PSME4: variants seen among roughly 807,000 people sequenced by gnomAD.
PSME4 encodes the protein proteasome activator subunit 4, also known as proteasome activator complex subunit 4.
In PSME4, 89 loss-of-function variants were observed where a neutral mutation model predicts 253.9. The ratio of observed to expected loss-of-function variants is 0.35; its 90% confidence interval spans 0.30 to 0.42. The LOEUF (loss-of-function observed/expected upper bound fraction) is 0.42. PSME4 is among the 10% of genes least tolerant of loss of function. The probability of loss-of-function intolerance (pLI) is 1.00; values close to 1 mark genes in which losing one functional copy is unlikely to be tolerated. For missense variants in PSME4, 2,014 were observed against 2,195.2 expected (o/e 0.92, Z 1.65); for synonymous variants, 851 against 759.2 (o/e 1.12, Z -1.99).
At chr2:53,897,341 G>T (rs959095003) in intron 31 of PSME4, among the ~76,000 whole-genome samples, 3 of 151,728 alleles carry the variant, frequency 2.0e-5, no homozygotes, top group African/African-American at 7.3e-5. Context: ...AGCTAATTTT[G>T]TACTTCTAGT....
chr2:53,886,782 A>G lies in PSME4; in HGVS notation c.4729+477T>C, dbSNP rs181250756. On this transcript the variant is annotated intron_variant, in intron 40 of 46. Transcript: ENST00000404125. ...TGTTCAGAGCAGCATTAGTCACAAT[A>G]GCCAAAGGTGGAAACCCAAATATCC... is the stretch of plus-strand genomic sequence containing the variant. 1.5e-3 allele frequency among the ~76,000 whole-genome samples: 232 copies of G among 152,334 alleles called. 2 individuals carry two copies. Among genetic ancestry groups the G allele is most frequent in the Admixed American group, 3.6e-3 (55 of 15,308 alleles).
At chr2:53,955,897 A>C (rs1468281159) in intron 1 of PSME4, among the ~76,000 whole-genome samples, 2 of 152,032 alleles carry the variant, frequency 1.3e-5, no homozygotes, top group African/African-American at 4.8e-5. Context: ...ACTCCAACCT[A>C]GGCAACAGTG....
chr2:53,907,346 A>AC lies in PSME4; in HGVS notation c.2785-479_2785-478insG, dbSNP rs539434295. Among the ~76,000 whole-genome samples, 11 of 152,310 alleles carry AC rather than the reference A, an allele frequency of 7.2e-5. No individual in the cohort carries two copies. The East Asian group carries it at 9.6e-4, about 13-fold the overall frequency. The stretch of plus-strand genomic sequence containing the variant: ...AATCTTCCACCTGGTCACCAAAGGC[A>AC]GATAGTTGAGGCTCAAAGACTCTTC... On this transcript the variant is annotated intron_variant, in intron 24 of 46. Transcript: ENST00000404125.
At chr2:53,915,284 TA>T (rs1358689898) in intron 20 of PSME4, among the ~76,000 whole-genome samples, 2 of 151,984 alleles carry the variant, frequency 1.3e-5, no homozygotes, top group Non-Finnish European at 2.9e-5. Flanking sequence ...CCACAAAAAA[TA>T]CAAAAATTAG....
chr2:53,949,499 G>T, intron 1 of PSME4, among the ~76,000 whole-genome samples: 1 of 150,248 alleles, frequency 6.7e-6, no homozygotes. Flanking sequence ...TGGTTTTCTG[G>T]ATAGAAACAG....
At chr2:53,911,324 C>T (rs1037471031) in intron 20 of PSME4, among the ~76,000 whole-genome samples, 16 of 152,182 alleles carry the variant, frequency 1.1e-4, no homozygotes, top group African/African-American at 3.6e-4. Flanking sequence ...TAGTATCAAA[C>T]GTTAATTTGC....
intron 2 of PSME4, 94 bp from the exon 3 acceptor site, chr2:53,948,631 G>T: frequency 1.2e-6 from 1 of 804,928 alleles, no homozygotes; most frequent in Non-Finnish European, 2.1e-6. Flanking sequence ...AAACATTGCT[G>T]CTCATCACCA....
chr2:53,961,187 T>C (rs1670481648), intron 1 of PSME4, among the ~76,000 whole-genome samples: 1 of 152,212 alleles, frequency 6.6e-6, no homozygotes, highest in African/African-American at 2.4e-5. Context: ...GGAATATTTA[T>C]AGTATGTGCT....
At position 53,898,286 on chromosome 2, in the gene PSME4, A is replaced by C. The variant is rs190189113; in HGVS notation, c.3476+15T>G. The C allele has an allele frequency of 3.6e-5, 57 of 1,596,824 alleles. No homozygotes were observed. The African/African-American group carries it at 7.0e-4, about 20-fold the overall frequency. Reference sequence around the variant, plus strand: ...GAAAAATGCTGTGAGAATTACAAAAATCTTTTGCACTTACAGGTTTCTTTG... The same window carrying C: ...GAAAAATGCTGTGAGAATTACAAAACTCTTTTGCACTTACAGGTTTCTTTG... On this transcript the variant is annotated intron_variant, in intron 30 of 46. Coordinates refer to ENST00000404125, the MANE Select transcript of PSME4 (RefSeq NM_014614.3).
At chr2:53,939,310 T>A (rs1669271967) in intron 4 of PSME4, among the ~76,000 whole-genome samples, 1 of 152,188 alleles carries the variant, frequency 6.6e-6, no homozygotes, top group African/African-American at 2.4e-5. Flanking sequence ...AGTCTTAGAA[T>A]AACTTGATAA....
intron 20 of PSME4, 37 bp from the exon 21 acceptor site, chr2:53,910,167 T>A (rs1344108603): frequency 1.3e-6 from 2 of 1,500,010 alleles, no homozygotes; most frequent in East Asian, 2.3e-5. Context: ...TTATTAATAA[T>A]ACCAATATGA....
intron 6 of PSME4, 39 bp from the exon 7 acceptor site, chr2:53,936,200 T>A (rs1186314167): frequency 1.2e-6 from 2 of 1,610,686 alleles, no homozygotes; most frequent in Non-Finnish European, 1.7e-6. Flanking sequence ...ATATATTTGT[T>A]GTTATTGTTT....
chr2:53,962,570 T>C (rs1002762082), intron 1 of PSME4, among the ~76,000 whole-genome samples: 2 of 152,228 alleles, frequency 1.3e-5, no homozygotes, highest in Non-Finnish European at 2.9e-5. Flanking sequence ...ACTGCCTTTC[T>C]TAGTGCCTCA....
chr2:53,954,889 G>T (rs1338383717), intron 1 of PSME4, among the ~76,000 whole-genome samples: 1 of 151,700 alleles, frequency 6.6e-6, no homozygotes, highest in Non-Finnish European at 1.5e-5. Context: ...AAGTCAAAAT[G>T]CCAAAATGAG....
At chr2:53,919,965 G>A (rs1668222917) in intron 19 of PSME4, among the ~76,000 whole-genome samples, 1 of 151,854 alleles carries the variant, frequency 6.6e-6, no homozygotes, top group Non-Finnish European at 1.5e-5. Flanking sequence ...TAAGTAGAAG[G>A]TAATAAAAAA....
intron 6 of PSME4, among the ~76,000 whole-genome samples, chr2:53,936,470 T>C (rs1669120715): frequency 6.6e-6 from 1 of 152,202 alleles, no homozygotes; most frequent in Non-Finnish European, 1.5e-5. Context: ...AGCAGCATGA[T>C]AGTACAGGTA....
In PSME4 at chr2:53,919,161, C is replaced by T; in HGVS notation, c.2506G>A (p.Val836Ile). 6.2e-7 allele frequency: 1 copy of T among 1,611,582 alleles called. No homozygotes were observed. Among genetic ancestry groups the T allele is most frequent in the Non-Finnish European group, 8.5e-7 (1 of 1,179,110 alleles). The change falls in exon 20 of 47, where the codon GTT becomes ATT. Residue 836 changes from valine to isoleucine, a missense_variant. Coordinates refer to ENST00000404125, the MANE Select transcript of PSME4 (RefSeq NM_014614.3). ...NLLPPLKGEP[V>I]TNLVPSMVSL... The stretch of plus-strand genomic sequence containing the variant: ...GTTATTTTTACTTACAAGTTAGTAA[C>T]TGGCTCTCCTTTCAACGGAGGTAGG...
Position 53,960,393 on chromosome 2 carries a change from C to T in PSME4, c.242+10150G>A, listed in dbSNP as rs371325366. Among the ~76,000 whole-genome samples, 13 of 132,062 alleles carry T rather than the reference C, an allele frequency of 9.8e-5. No individual in the cohort carries two copies. In the East Asian group the frequency reaches 2.4e-3, roughly 25 times the overall value. 86.6% of individuals were successfully genotyped at this position (132,062 alleles called of 152,430 possible). A position where few individuals can be genotyped will look rare whatever the true frequency, so the allele number is the denominator to read the frequency against. ...CAGCCTGGGCAACAGAGCGAGACTC[C>T]ATCTCAAAAAAAAAAAAAAAAAAGG... is the stretch of plus-strand genomic sequence containing the variant. On this transcript the variant is annotated intron_variant, in intron 1 of 46. Coordinates refer to ENST00000404125, the MANE Select transcript of PSME4 (RefSeq NM_014614.3).
At chr2:53,874,601 T>C in intron 42 of PSME4, 107 bp from the exon 43 acceptor site, 1 of 1,113,354 alleles carries the variant, frequency 9.0e-7, no homozygotes, top group South Asian at 1.4e-5. Context: ...TTTAACTCTA[T>C]TTACACAGGT....
Sources: gnomAD v4.1 joint callset for allele counts (sites outside exome capture counted in the v4.1 genomes callset) on GRCh38, gnomAD v4.1.1 for gene constraint, MANE v1.5 for transcripts, NCBI Gene and HGNC (gene_info 2026-07-23, HGNC 2026-07-21) for gene names.